The following SH2D4B variants were observed in gnomAD, a reference collection of about 807,000 sequenced individuals.
SH2D4B encodes SH2 domain-containing protein 4B.
A neutral mutation model predicts 61.5 loss-of-function variants in SH2D4B; 45 were observed. The observed-to-expected ratio is 0.73, with a 90% CI of 0.58 to 0.94. The LOEUF is 0.94. SH2D4B is among the 40% of genes least tolerant of loss of function. The probability of loss-of-function intolerance (pLI) is 0.00; values close to 1 mark genes in which losing one functional copy is unlikely to be tolerated. For missense variants in SH2D4B, 572 were observed against 574.2 expected (o/e 1.00, Z 0.04); for synonymous variants, 224 against 220.4 (o/e 1.02, Z -0.14).
intron 1 of SH2D4B, among the ~76,000 whole-genome samples, chr10:80,556,741 A>G (rs1474039092): frequency 1.3e-5 from 2 of 152,186 alleles, no homozygotes; most frequent in East Asian, 3.8e-4. Flanking sequence ...TTTGTGTATT[A>G]ACCTTATAGC....
At position 80,645,180 on chromosome 10, in the gene SH2D4B, A is replaced by C. The variant is rs1466086381; in HGVS notation, c.*1095A>C. On this transcript the variant is annotated 3_prime_UTR_variant, in exon 8 of 8. Coordinates refer to ENST00000646907, the MANE Select transcript of SH2D4B (RefSeq NM_001388272.1). Reference sequence around the variant, plus strand: ...TTGCAGCATTGTGTTTGGTGAGAGGAAAAGAATGAATGGATTCTAGGAATG... The same window carrying C: ...TTGCAGCATTGTGTTTGGTGAGAGGCAAAGAATGAATGGATTCTAGGAATG... 1 of 152,226 alleles carries C rather than the reference A, an allele frequency of 6.6e-6. No individual in the cohort carries two copies. Among genetic ancestry groups the C allele is most frequent in the Non-Finnish European group, 1.5e-5 (1 of 68,046 alleles). The allele number at this position is 152,226 out of a possible 1,614,324, so 9.4% of individuals were successfully genotyped here.
At chr10:80,639,876 G>A (rs534593665) in intron 7 of SH2D4B, among the ~76,000 whole-genome samples, 9 of 152,250 alleles carry the variant, frequency 5.9e-5, no homozygotes, top group East Asian at 1.9e-4. Flanking sequence ...CAGTTTCTTC[G>A]TAGCATCGAT....
At chr10:80,574,559 G>A (rs951581579) in intron 3 of SH2D4B, among the ~76,000 whole-genome samples, 1 of 151,860 alleles carries the variant, frequency 6.6e-6, no homozygotes, top group Non-Finnish European at 1.5e-5. Context: ...CACAGCCTGT[G>A]GTTGAGACAC....
rs1840356544 is a variant in SH2D4B at position 80,644,162 on chromosome 10, T to C, written c.*77T>C. The C allele has an allele frequency of 1.7e-6, 2 of 1,170,860 alleles. No individual in the cohort carries two copies. Among genetic ancestry groups the C allele is most frequent in the Admixed American group, 3.8e-5 (2 of 53,242 alleles). 72.5% of individuals were successfully genotyped at this position (1,170,860 alleles called of 1,614,324 possible). ...CTTAAGAACTTCTCATCTCAAATCC[T>C]ATGGCCTTCTGGAAGATCCACCACT... On this transcript the variant is annotated 3_prime_UTR_variant, in exon 8 of 8. Coordinates refer to ENST00000646907, the MANE Select transcript of SH2D4B (RefSeq NM_001388272.1).
At chr10:80,641,330 C>G (rs528171203) in intron 7 of SH2D4B, among the ~76,000 whole-genome samples, 1 of 152,356 alleles carries the variant, frequency 6.6e-6, no homozygotes, top group South Asian at 2.1e-4. Context: ...CTCTTCAGAG[C>G]TGTCAGACAG....
At chr10:80,616,734 T>C (rs571977557) in intron 6 of SH2D4B, among the ~76,000 whole-genome samples, 5 of 152,180 alleles carry the variant, frequency 3.3e-5, no homozygotes, top group African/African-American at 9.7e-5. Flanking sequence ...ACCTGTGGGA[T>C]TGTATTGGCT....
At chr10:80,625,450 C>G (rs1046749100) in intron 6 of SH2D4B, among the ~76,000 whole-genome samples, 6 of 152,050 alleles carry the variant, frequency 3.9e-5, no homozygotes, top group Non-Finnish European at 8.8e-5. Flanking sequence ...TTCTAGATGA[C>G]TTATAATACC....
intron 6 of SH2D4B, among the ~76,000 whole-genome samples, chr10:80,630,164 A>G (rs571547210): frequency 6.6e-6 from 1 of 152,306 alleles, no homozygotes; most frequent in Admixed American, 6.5e-5. Context: ...TCAGAGAAAA[A>G]TCTTGGCCAG....
At position 80,597,495 on chromosome 10, in the gene SH2D4B, A is replaced by G. The variant is rs113213891; in HGVS notation, c.644-6084A>G. Among the ~76,000 whole-genome samples, 1,204 of 152,084 alleles carry G rather than the reference A, an allele frequency of 7.9e-3. 19 individuals carry two copies. The highest frequency in any genetic ancestry group is 0.026 in the African/African-American group (1,067 of 41,470). ...AGCCTGGCCAACATGGTGAAACTCC[A>G]TCTCTACTAAAAATACAAAAATTAG... is the stretch of plus-strand genomic sequence containing the variant. On this transcript the variant is annotated intron_variant, in intron 4 of 7. Transcript: ENST00000646907.
chr10:80,546,833 C>T (rs773196194), intron 1 of SH2D4B, among the ~76,000 whole-genome samples: 99 of 152,124 alleles, frequency 6.5e-4, no homozygotes, highest in Non-Finnish European at 2.1e-4. Context: ...AGCCAGCATA[C>T]GGTATTTTAA....
intron 6 of SH2D4B, among the ~76,000 whole-genome samples, chr10:80,629,154 C>T (rs944358044): frequency 1.3e-5 from 2 of 152,110 alleles, no homozygotes; most frequent in Admixed American, 1.3e-4. Context: ...AGCATCTGCT[C>T]GGCTTCCAAT....
chr10:80,600,574 G>A lies in SH2D4B; in HGVS notation c.644-3005G>A, dbSNP rs113953742. 6.9e-3 allele frequency among the ~76,000 whole-genome samples: 1,044 copies of A among 151,664 alleles called. 8 individuals carry two copies. The highest frequency in any genetic ancestry group is 0.019 in the African/African-American group (776 of 41,180). ...GTGTGCTGGGGAAGGAGCCCACTGA[G>A]CTGAGAAAGTAAGGAAAGTAGGCAG... is the stretch of plus-strand genomic sequence containing the variant. On this transcript the variant is annotated intron_variant, in intron 4 of 7. Coordinates refer to ENST00000646907, the MANE Select transcript of SH2D4B (RefSeq NM_001388272.1).
In SH2D4B at chr10:80,603,558, G is replaced by A. The variant is rs747093064; in HGVS notation, c.644-21G>A. ...GCCTGGGCTGCGGATCTGGGCTAAC[G>A]TGCTGTCTTCCTCTTTCCAGTGCGC... On this transcript the variant is annotated intron_variant, in intron 4 of 7. Transcript: ENST00000646907. 48 of 1,520,374 alleles carry A rather than the reference G, an allele frequency of 3.2e-5. 1 individual carries two copies. The highest frequency in any genetic ancestry group is 4.1e-5 in the African/African-American group (3 of 72,566). 94.2% of individuals were successfully genotyped at this position (1,520,374 alleles called of 1,614,324 possible).
At chr10:80,622,415 G>T (rs541121280) in intron 6 of SH2D4B, among the ~76,000 whole-genome samples, 1 of 152,180 alleles carries the variant, frequency 6.6e-6, no homozygotes, top group African/African-American at 2.4e-5. Flanking sequence ...CTGAATTTTT[G>T]CAGTTAAACG....
intron 4 of SH2D4B, among the ~76,000 whole-genome samples, chr10:80,591,672 T>C (rs1400790782): frequency 6.6e-6 from 1 of 152,046 alleles, no homozygotes; most frequent in African/African-American, 2.4e-5. Context: ...AGTTAATTTA[T>C]GTAATTTTAG....
At chr10:80,592,172 T>C (rs1842336129) in intron 4 of SH2D4B, among the ~76,000 whole-genome samples, 1 of 152,228 alleles carries the variant, frequency 6.6e-6, no homozygotes, top group Non-Finnish European at 1.5e-5. Context: ...ATGTGCTTTA[T>C]GGCTGTTTAT....
chr10:80,588,794 C>T lies in SH2D4B; in HGVS notation c.643+17C>T. The T allele has an allele frequency of 1.2e-6, 2 of 1,613,400 alleles. No homozygotes were observed. The highest frequency in any genetic ancestry group is 8.5e-7 in the Non-Finnish European group (1 of 1,179,894). ...AAGAACAGTGTGAGTAGAGCTTGTG[C>T]CTCAGGCAGGGAGACCAGTCCCGCC... On this transcript the variant is annotated intron_variant, in intron 4 of 7. Coordinates refer to ENST00000646907, the MANE Select transcript of SH2D4B (RefSeq NM_001388272.1).
In SH2D4B at chr10:80,620,515, G is replaced by A. The variant is rs1001775127; in HGVS notation, c.988+10964G>A. On this transcript the variant is annotated intron_variant, in intron 6 of 7. Coordinates refer to ENST00000646907, the MANE Select transcript of SH2D4B (RefSeq NM_001388272.1). ...GTCTTTATAGTAGTGCGAGAACAGAGCAATACAAAGGCTCTGGATGTAGAA... is the reference window on the plus strand; with the variant it reads ...GTCTTTATAGTAGTGCGAGAACAGAACAATACAAAGGCTCTGGATGTAGAA... Among the ~76,000 whole-genome samples, 6 of 152,184 alleles carry A rather than the reference G, an allele frequency of 3.9e-5. 1 individual carries two copies. The highest frequency in any genetic ancestry group is 8.8e-5 in the Non-Finnish European group (6 of 68,040).
chr10:80,579,683 T>TTC (rs932091367), intron 3 of SH2D4B, among the ~76,000 whole-genome samples: 1 of 151,878 alleles, frequency 6.6e-6, no homozygotes, highest in African/African-American at 2.4e-5. Context: ...CCATTTTCTA[T>TTC]TCAAGGCCAC....
Sources: allele counts gnomAD v4.1 joint callset (sites outside exome capture counted in the v4.1 genomes callset), GRCh38; gene constraint gnomAD v4.1.1; transcripts MANE v1.5; gene names NCBI Gene and HGNC (gene_info 2026-07-23, HGNC 2026-07-21).